Variants in ROBO2 observed in about 807,000 individuals in gnomAD.
ROBO2 encodes the protein roundabout homolog 2.
Under a neutral mutation model 160.8 loss-of-function variants are expected in ROBO2, and 53 were observed. That is an observed-to-expected ratio of 0.33 (90% CI 0.26 to 0.41). The LOEUF is 0.41. Among genes scored for constraint, ROBO2 ranks in the 10% least tolerant of loss-of-function variants. The pLI is 1.00. For missense variants in ROBO2, 1,577 were observed against 1,722.4 expected, an observed-to-expected ratio of 0.92 and a Z score of 1.49; for synonymous variants, 664 against 611.7, an observed-to-expected ratio of 1.09 and a Z score of -1.26.
At chr3:76,083,307 G>A (rs1417895051) in intron 2 of ROBO2, among the ~76,000 whole-genome samples, 1 of 152,090 alleles carries the variant, frequency 6.6e-6, no homozygotes, top group Non-Finnish European at 1.5e-5. Context: ...TATAAATACT[G>A]CAAAGTTTAG....
intron 2 of ROBO2, among the ~76,000 whole-genome samples, chr3:77,451,944 A>G (rs1309139239): frequency 1.3e-5 from 2 of 151,654 alleles, no homozygotes. Flanking sequence ...AACAGGCCCC[A>G]GTGTGTGATG....
chr3:76,708,218 A>T (rs983355546), intron 2 of ROBO2, among the ~76,000 whole-genome samples: 13 of 152,258 alleles, frequency 8.5e-5, no homozygotes, highest in Admixed American at 7.8e-4. Context: ...AAATATGAAA[A>T]TATTTTCTCT....
chr3:77,504,260 A>C (rs1042375418), intron 5 of ROBO2, among the ~76,000 whole-genome samples: 2 of 152,224 alleles, frequency 1.3e-5, no homozygotes, highest in African/African-American at 4.8e-5. Flanking sequence ...CATTCAACTC[A>C]TTCATCAGTA....
chr3:76,681,193 T>C (rs2092553188), intron 2 of ROBO2, among the ~76,000 whole-genome samples: 2 of 152,148 alleles, frequency 1.3e-5, no homozygotes, highest in Non-Finnish European at 1.5e-5. Flanking sequence ...TTTTATGATG[T>C]TGGAGCACAA....
intron 2 of ROBO2, among the ~76,000 whole-genome samples, chr3:76,302,797 C>A (rs968932298): frequency 6.6e-6 from 1 of 151,906 alleles, no homozygotes; most frequent in African/African-American, 2.4e-5. Context: ...ATGGGATCAC[C>A]CGGTGATGCA....
chr3:77,368,261 TTG>T (rs1553925357), intron 2 of ROBO2, among the ~76,000 whole-genome samples: 2 of 151,904 alleles, frequency 1.3e-5, no homozygotes, highest in African/African-American at 2.4e-5. Context: ...ATTCATTTTT[TTG>T]TTATTTTAAT....
intron 2 of ROBO2, among the ~76,000 whole-genome samples, chr3:77,410,575 C>CTTCCTCCTCCTCCTCTTCCTCCTCCTG (rs2076650530): frequency 7.8e-6 from 1 of 127,594 alleles, no homozygotes; most frequent in Non-Finnish European, 1.7e-5. Context: ...TCTTCCTCCT[C>CTTCCTCCTCCTCCTCTTCCTCCTCCTG]CTCTTCCTCC....
intron 2 of ROBO2, among the ~76,000 whole-genome samples, chr3:76,392,474 T>C (rs2077203206): frequency 6.6e-6 from 1 of 152,180 alleles, no homozygotes; most frequent in South Asian, 2.1e-4. Context: ...TAAATTGATA[T>C]GCATGATGCT....
chr3:77,597,037 C>G (rs952461272), intron 19 of ROBO2, among the ~76,000 whole-genome samples: 1 of 151,956 alleles, frequency 6.6e-6, no homozygotes, highest in Non-Finnish European at 1.5e-5. Flanking sequence ...TACAAGATTA[C>G]TGAACTCAGA....
intron 2 of ROBO2, among the ~76,000 whole-genome samples, chr3:77,230,695 G>A (rs1427148121): frequency 1.3e-5 from 2 of 152,026 alleles, no homozygotes; most frequent in African/African-American, 4.8e-5. Context: ...ATACTGTAAG[G>A]TTGGCTTCCA....
chr3:76,966,244 A>C (rs2149261031), intron 2 of ROBO2, among the ~76,000 whole-genome samples: 1 of 152,184 alleles, frequency 6.6e-6, no homozygotes, highest in African/African-American at 2.4e-5. Context: ...CTGACTCATA[A>C]AAAGGACTTA....
intron 2 of ROBO2, among the ~76,000 whole-genome samples, chr3:76,805,189 C>A (rs1432195488): frequency 6.6e-6 from 1 of 151,866 alleles, no homozygotes; most frequent in East Asian, 1.9e-4. Context: ...CTTCTTTTTC[C>A]TTTTCTTTTC....
At chr3:76,533,695 G>A (rs2082346892) in intron 2 of ROBO2, among the ~76,000 whole-genome samples, 1 of 152,140 alleles carries the variant, frequency 6.6e-6, no homozygotes, top group South Asian at 2.1e-4. Context: ...GGAGATAGGG[G>A]AGGGGCAGCT....
At chr3:76,425,201 T>C (rs1238459785) in intron 2 of ROBO2, among the ~76,000 whole-genome samples, 1 of 152,114 alleles carries the variant, frequency 6.6e-6, no homozygotes, top group Middle Eastern at 3.2e-3. Context: ...TGCCTTTTTT[T>C]TTTCTTGATC....
intron 2 of ROBO2, among the ~76,000 whole-genome samples, chr3:76,169,948 T>C (rs1235840237): frequency 2.0e-5 from 3 of 151,924 alleles, no homozygotes; most frequent in Non-Finnish European, 4.4e-5. Flanking sequence ...GCGTGGCTAA[T>C]TTTTTGTATT....
At chr3:76,167,358 G>A (rs1559607480) in intron 2 of ROBO2, among the ~76,000 whole-genome samples, 1 of 152,092 alleles carries the variant, frequency 6.6e-6, no homozygotes, top group East Asian at 1.9e-4. Context: ...CTATTGTTTG[G>A]ACTATTCAGC....
At chr3:76,287,738 T>A (rs918924522) in intron 2 of ROBO2, among the ~76,000 whole-genome samples, 1 of 152,262 alleles carries the variant, frequency 6.6e-6, no homozygotes, top group Admixed American at 6.5e-5. Flanking sequence ...TTTGATGCTT[T>A]GGTTTCCTCA....
chr3:76,390,260 A>G (rs997078555), intron 2 of ROBO2, among the ~76,000 whole-genome samples: 4 of 152,112 alleles, frequency 2.6e-5, no homozygotes, highest in African/African-American at 9.7e-5. Context: ...AAAATCTCAC[A>G]TTGTTTTTAC....
chr3:76,992,589 G>A (rs181434329), intron 2 of ROBO2, among the ~76,000 whole-genome samples: 310 of 151,544 alleles, frequency 2.0e-3, no homozygotes, highest in African/African-American at 7.2e-3. Context: ...TTTTTCATGG[G>A]AGAGAATTAT....
Sources: gnomAD v4.1 joint callset for allele counts (sites outside exome capture counted in the v4.1 genomes callset) on GRCh38, gnomAD v4.1.1 for gene constraint, MANE v1.5 for transcripts, NCBI Gene and HGNC (gene_info 2026-07-23, HGNC 2026-07-21) for gene names.